The following PTPRK variants were observed in gnomAD, a reference collection of about 807,000 sequenced individuals.
PTPRK encodes protein tyrosine phosphatase receptor type K.
A neutral mutation model predicts 178.0 loss-of-function variants in PTPRK; 75 were observed. The observed-to-expected ratio is 0.42, with a 90% CI of 0.35 to 0.51. The LOEUF is 0.51. Among genes scored for constraint, PTPRK ranks in the 20% least tolerant of loss-of-function variants. The pLI is 0.02. For synonymous variants in PTPRK, 637 were observed against 620.6 expected, an observed-to-expected ratio of 1.03 and a Z score of -0.39; for missense variants, 1,441 against 1,797.8, an observed-to-expected ratio of 0.80 and a Z score of 3.59.
chr6:127,989,293 G>A (rs543801534), intron 21 of PTPRK, among the ~76,000 whole-genome samples: 1 of 151,758 alleles, frequency 6.6e-6, no homozygotes, highest in African/African-American at 2.4e-5. Flanking sequence ...CATATCAATT[G>A]CTTATTTTAT....
intron 18 of PTPRK, among the ~76,000 whole-genome samples, chr6:127,993,627 G>A (rs991186579): frequency 6.6e-5 from 10 of 151,448 alleles, no homozygotes; most frequent in Middle Eastern, 3.2e-3. Flanking sequence ...TGAGTATTAC[G>A]TTATTGCAAA....
At chr6:128,505,196 C>T (rs190697223) in intron 1 of PTPRK, among the ~76,000 whole-genome samples, 34 of 150,696 alleles carry the variant, frequency 2.3e-4, no homozygotes, top group African/African-American at 5.6e-4. Context: ...TTCTGCCTCC[C>T]GGGTTCATGC....
chr6:128,028,597 C>T (rs1461829435), intron 13 of PTPRK, among the ~76,000 whole-genome samples: 1 of 152,176 alleles, frequency 6.6e-6, no homozygotes. Context: ...ATTTAAATGT[C>T]ACTTTGTATG....
At position 128,159,814 on chromosome 6, in the gene PTPRK, A is replaced by T. The variant is rs562335581; in HGVS notation, c.1162+24618T>A. Among the ~76,000 whole-genome samples the T allele has an allele frequency of 2.0e-5, 3 of 151,894 alleles. No individual in the cohort carries two copies. In the South Asian group the frequency reaches 6.2e-4, roughly 31 times the overall value. On this transcript the variant is annotated intron_variant, in intron 7 of 29. Coordinates refer to ENST00000368226, the MANE Select transcript of PTPRK (RefSeq NM_002844.4). ...GACATGAAGATAAATGTAAGCTATCAATCACTTCCATGGCAATAGATTGTG... is the reference window on the plus strand; with the variant it reads ...GACATGAAGATAAATGTAAGCTATCTATCACTTCCATGGCAATAGATTGTG...
intron 1 of PTPRK, among the ~76,000 whole-genome samples, chr6:128,518,344 C>T (rs925308014): frequency 2.0e-5 from 3 of 152,148 alleles, no homozygotes; most frequent in African/African-American, 7.2e-5. Flanking sequence ...CTCCAGGTAT[C>T]AGAAAAGCTC....
chr6:128,004,754 T>C (rs1408572829), intron 15 of PTPRK, among the ~76,000 whole-genome samples: 2 of 151,846 alleles, frequency 1.3e-5, no homozygotes, highest in South Asian at 2.1e-4. Context: ...AAAAGAATTA[T>C]AAATTCTGAC....
intron 2 of PTPRK, among the ~76,000 whole-genome samples, chr6:128,360,582 C>T (rs942235104): frequency 2.0e-5 from 3 of 152,242 alleles, no homozygotes; most frequent in Non-Finnish European, 4.4e-5. Flanking sequence ...GCCAGTAATT[C>T]ACCTCCAAAC....
chr6:127,996,986 G>T lies in PTPRK; in HGVS notation c.2682C>A (p.Ser894Arg). ...AAGATGCTGACTGTCCTTCAAAAAAGCTCTGGGAAAACAAAACGAATAAGC... is the reference window on the plus strand; with the variant it reads ...AAGATGCTGACTGTCCTTCAAAAAATCTCTGGGAAAACAAAACGAATAAGC... Reference protein sequence around the residue: ...DSYGFKEEYESFFEGQSASWD... With the variant: ...DSYGFKEEYERFFEGQSASWD... The change falls in exon 17 of 30, where the codon AGC becomes AGA. Residue 894 changes from serine to arginine, a missense_variant and splice_region_variant. By Grantham distance (110) the Ser-to-Arg change is moderately radical. Coordinates refer to ENST00000368226, the MANE Select transcript of PTPRK (RefSeq NM_002844.4). 6.2e-7 allele frequency: 1 copy of T among 1,610,866 alleles called. No individual in the cohort carries two copies. Among genetic ancestry groups the T allele is most frequent in the South Asian group, 1.1e-5 (1 of 90,708 alleles).
At chr6:128,037,192 ACT>A (rs1776374640) in intron 13 of PTPRK, among the ~76,000 whole-genome samples, 1 of 151,946 alleles carries the variant, frequency 6.6e-6, no homozygotes, top group Non-Finnish European at 1.5e-5. Flanking sequence ...TCATTGAGAG[ACT>A]CTCTTTTAGA....
chr6:128,382,662 A>T (rs1193279812), intron 2 of PTPRK, among the ~76,000 whole-genome samples: 1 of 151,462 alleles, frequency 6.6e-6, no homozygotes, highest in East Asian at 1.9e-4. Flanking sequence ...CTGGTCTCGA[A>T]CTCCTAGCCT....
chr6:128,135,012 G>A (rs1439098685), intron 7 of PTPRK, among the ~76,000 whole-genome samples: 3 of 151,208 alleles, frequency 2.0e-5, no homozygotes, highest in South Asian at 2.1e-4. Context: ...TTTCCGGCAC[G>A]CCCTGCAGAT....
At chr6:128,378,122 T>C (rs1316059534) in intron 2 of PTPRK, among the ~76,000 whole-genome samples, 2 of 152,132 alleles carry the variant, frequency 1.3e-5, no homozygotes, top group Non-Finnish European at 2.9e-5. Context: ...ATATAAACCA[T>C]AAGTTACTTT....
intron 1 of PTPRK, among the ~76,000 whole-genome samples, chr6:128,505,412 G>T (rs756015155): frequency 6.6e-6 from 1 of 151,768 alleles, no homozygotes; most frequent in African/African-American, 2.4e-5. Context: ...TTGCACTCCA[G>T]CCTGGGCAAC....
At chr6:128,172,709 A>G (rs1433488693) in intron 7 of PTPRK, among the ~76,000 whole-genome samples, 2 of 151,680 alleles carry the variant, frequency 1.3e-5, no homozygotes, top group East Asian at 1.9e-4. Context: ...CTAGATATAT[A>G]TGTATGTATA....
intron 4 of PTPRK, among the ~76,000 whole-genome samples, chr6:128,242,118 C>T (rs1001097014): frequency 6.6e-6 from 1 of 152,010 alleles, no homozygotes; most frequent in African/African-American, 2.4e-5. Context: ...CATTTCACCC[C>T]AGCCCTCAAC....
At chr6:128,190,702 T>A (rs1803643594) in intron 6 of PTPRK, among the ~76,000 whole-genome samples, 1 of 152,026 alleles carries the variant, frequency 6.6e-6, no homozygotes, top group African/African-American at 2.4e-5. Flanking sequence ...TTTTACCATG[T>A]TGGCCAGGCT....
chr6:128,085,568 T>C (rs1785635186), intron 8 of PTPRK, among the ~76,000 whole-genome samples: 1 of 152,218 alleles, frequency 6.6e-6, no homozygotes. Context: ...TAACACAATT[T>C]AGCCTACAAA....
At chr6:128,076,061 G>A (rs979990815) in intron 11 of PTPRK, among the ~76,000 whole-genome samples, 3 of 151,866 alleles carry the variant, frequency 2.0e-5, no homozygotes, top group African/African-American at 7.3e-5. Flanking sequence ...ATAGCATCAA[G>A]CATTAGCAGA....
At chr6:128,425,303 T>A (rs921650905) in intron 1 of PTPRK, among the ~76,000 whole-genome samples, 1 of 152,026 alleles carries the variant, frequency 6.6e-6, no homozygotes, top group African/African-American at 2.4e-5. Flanking sequence ...GGTCTCGATC[T>A]CCTGACCTGG....
Sources: allele counts gnomAD v4.1 joint callset (sites outside exome capture counted in the v4.1 genomes callset), GRCh38; gene constraint gnomAD v4.1.1; transcripts MANE v1.5; gene names NCBI Gene and HGNC (gene_info 2026-07-23, HGNC 2026-07-21).